The following NEBL variants were observed in gnomAD, a reference collection of about 807,000 sequenced individuals.
NEBL encodes nebulette, also known as LIM and SH3 protein 2.
Under a neutral mutation model 140.2 loss-of-function variants are expected in NEBL, and 122 were observed. The ratio of observed to expected loss-of-function variants is 0.87; its 90% CI spans 0.75 to 1.01. The LOEUF (loss-of-function observed/expected upper bound fraction) is 1.01. Ranked by LOEUF, NEBL falls within the 50% of genes least tolerant of loss-of-function variation. The pLI, the probability that NEBL is intolerant of heterozygous loss-of-function variation, is 0.00. For missense variants in NEBL, 1,365 were observed against 1,231.3 expected, an observed-to-expected ratio of 1.11 and a Z score of -1.62; for synonymous variants, 436 against 398.9, an observed-to-expected ratio of 1.09 and a Z score of -1.11.
intron 2 of NEBL, among the ~76,000 whole-genome samples, chr10:21,094,599 T>C (rs1282546337): frequency 2.6e-5 from 4 of 151,440 alleles, no homozygotes; most frequent in Non-Finnish European, 4.4e-5. Flanking sequence ...AGGGAATCAC[T>C]TGAGCCTGGG....
chr10:20,897,089 AC>A, intron 1 of NEBL, 35 bp downstream of exon 1: 1 of 1,594,796 alleles, frequency 6.3e-7, no homozygotes, highest in South Asian at 1.1e-5. Context: ...ATTTAGAGGA[AC>A]AAACGCTGGT....
chr10:21,271,023 A>G (rs970045800), intron 1 of NEBL, among the ~76,000 whole-genome samples: 18 of 152,230 alleles, frequency 1.2e-4, no homozygotes, highest in African/African-American at 4.1e-4. Flanking sequence ...ACTTCTAGGT[A>G]TATATCCAAA....
intron 3 of NEBL, among the ~76,000 whole-genome samples, chr10:21,243,965 A>C (rs1353810782): frequency 7.0e-6 from 1 of 142,906 alleles, no homozygotes; most frequent in Non-Finnish European, 1.5e-5. Context: ...AGAGGACGGA[A>C]GGGAGGGAAG....
At chr10:20,942,029 A>T (rs1210273376) in intron 4 of NEBL, among the ~76,000 whole-genome samples, 1 of 152,242 alleles carries the variant, frequency 6.6e-6, no homozygotes, top group East Asian at 1.9e-4. Context: ...TAATTTGTAG[A>T]TTCAATGCCA....
chr10:21,028,865 A>G, intron 2 of NEBL: 1 of 331,452 alleles, frequency 3.0e-6, no homozygotes. Context: ...CAATAATCAT[A>G]AAAATGTAAA....
intron 1 of NEBL, chr10:21,172,618 T>C: frequency 3.0e-6 from 2 of 671,226 alleles, no homozygotes; most frequent in Non-Finnish European, 5.2e-6. Flanking sequence ...GAACTGGGGA[T>C]GTGTTTACCT....
chr10:21,151,677 G>A (rs555051032), intron 2 of NEBL, among the ~76,000 whole-genome samples: 2 of 151,990 alleles, frequency 1.3e-5, no homozygotes, highest in East Asian at 3.9e-4. Context: ...TTCCACACAG[G>A]CTTCCTGCCT....
rs1239147982 is a variant in NEBL, at chr10:21,000,219, AT to A, written c.249+19897del. On this transcript the variant is annotated intron_variant, in intron 3 of 6. Transcript: ENST00000417816. ...GGAATAGAGGGGGTATAGAGGGGGCATGGGGGGCCAGAGGGGGGCAGAGGGA... is the reference window on the plus strand; with the variant it reads ...GGAATAGAGGGGGTATAGAGGGGGCAGGGGGGCCAGAGGGGGGCAGAGGGA... Among the ~76,000 whole-genome samples the A allele has an allele frequency of 2.4e-4, 18 of 74,470 alleles. No homozygotes were observed. In the East Asian group the frequency reaches 7.1e-3, roughly 29 times the overall value. The allele number at this position is 74,470 out of a possible 152,430, so 48.9% of individuals were successfully genotyped here.
intron 13 of NEBL, among the ~76,000 whole-genome samples, chr10:20,839,373 A>T (rs768871554): frequency 2.0e-5 from 3 of 152,138 alleles, no homozygotes; most frequent in African/African-American, 7.2e-5. Context: ...TGTGATGACA[A>T]TGTTAGCCAC....
intron 1 of NEBL, among the ~76,000 whole-genome samples, chr10:21,258,690 A>C (rs1021786512): frequency 6.6e-6 from 1 of 150,996 alleles, no homozygotes; most frequent in African/African-American, 2.4e-5. Context: ...GGGTGACAAA[A>C]GCGAAACACC....
intron 2 of NEBL, among the ~76,000 whole-genome samples, chr10:21,055,073 A>G (rs1469074128): frequency 2.0e-5 from 3 of 152,218 alleles, no homozygotes; most frequent in Admixed American, 6.5e-5. Flanking sequence ...CAAAACCACC[A>G]TAGTTCATTA....
chr10:21,119,246 A>T (rs548784039), intron 2 of NEBL, among the ~76,000 whole-genome samples: 88 of 152,152 alleles, frequency 5.8e-4, no homozygotes, highest in African/African-American at 2.0e-3. Context: ...TCTAACACAA[A>T]GTTCTTTCTT....
At chr10:21,137,417 C>A (rs1839403260) in intron 2 of NEBL, among the ~76,000 whole-genome samples, 1 of 152,170 alleles carries the variant, frequency 6.6e-6, no homozygotes, top group Non-Finnish European at 1.5e-5. Flanking sequence ...ATTTATAACT[C>A]TGAAAAACTG....
At chr10:21,180,643 C>T (rs1199468465) in intron 3 of NEBL, among the ~76,000 whole-genome samples, 1 of 152,102 alleles carries the variant, frequency 6.6e-6, no homozygotes. Context: ...TCTTCTGATC[C>T]AGAACCCTAA....
intron 1 of NEBL, among the ~76,000 whole-genome samples, chr10:21,270,740 C>T (rs567204987): frequency 6.6e-6 from 1 of 152,142 alleles, no homozygotes; most frequent in Non-Finnish European, 1.5e-5. Context: ...GAGGACAAGT[C>T]GTTCAACTCT....
rs140282211 is a variant in NEBL at position 20,894,306 on chromosome 10, C to T, written c.153+2652G>A. ...GCAACATAGTGAGACTCCATCTCTA[C>T]GAAAAAGAAAATGAAAATTAGCCAG... On this transcript the variant is annotated intron_variant, in intron 2 of 27. Transcript: ENST00000377122. 2.9e-3 allele frequency among the ~76,000 whole-genome samples: 435 copies of T among 151,368 alleles called. 1 individual carries two copies. The highest frequency in any genetic ancestry group is 4.5e-3 in the Non-Finnish European group (302 of 67,782).
chr10:21,039,119 A>T (rs138432675), intron 2 of NEBL, among the ~76,000 whole-genome samples: 51 of 109,550 alleles, frequency 4.7e-4, no homozygotes, highest in African/African-American at 1.8e-3. Context: ...TAGATTCTGG[A>T]TATTAGACCT....
chr10:20,809,821 G>A lies in NEBL; in HGVS notation c.2596C>T (p.Leu866Phe), dbSNP rs373721327. The change falls in exon 25 of 28, where the codon CTC becomes TTC. Residue 866 changes from leucine (L) to phenylalanine (F), a missense_variant. Physicochemically the swap from Leu to Phe is conservative, Grantham distance 22. This residue lies in a region of NEBL where 1,323 missense variants were observed against 1,154.8 expected (regional missense o/e 1.15). Coordinates refer to ENST00000377122, the MANE Select transcript of NEBL (RefSeq NM_006393.3). ...TGAGTAATACCAGAGAGCATATGGA[G>A]ACTTCTAGACTGAATATTGTCTTCC... ...PLEDNIQSRS[L>F]HMLSEKASHY... 3.7e-6 allele frequency: 6 copies of A among 1,610,852 alleles called. No individual in the cohort carries two copies. The highest frequency in any genetic ancestry group is 4.2e-6 in the Non-Finnish European group (5 of 1,177,322).
chr10:21,202,461 C>CTTTTTTTTTTTTTTTTTTTT (rs35623208), intron 3 of NEBL, among the ~76,000 whole-genome samples: 20 of 117,292 alleles, frequency 1.7e-4, no homozygotes, highest in African/African-American at 4.4e-4. Flanking sequence ...TTTTCTTTTT[C>CTTTTTTTTTTTTTTTTTTTT]TTTTTTTTTT....
Sources: gnomAD v4.1 joint callset for allele counts (sites outside exome capture counted in the v4.1 genomes callset) on GRCh38, gnomAD v4.1.1 for gene constraint, gnomAD v4.1.1 regional missense constraint, MANE v1.5 for transcripts, NCBI Gene and HGNC (gene_info 2026-07-23, HGNC 2026-07-21) for gene names.